The following BAZ2B variants were observed in gnomAD, a reference collection of about 807,000 sequenced individuals.
The protein encoded by BAZ2B is bromodomain adjacent to zinc finger domain 2B, also known as bromodomain adjacent to zinc finger domain protein 2B.
BAZ2B carries 91 observed loss-of-function variants against 246.0 expected under a neutral mutation model. The ratio of observed to expected loss-of-function variants is 0.37; its 90% CI spans 0.31 to 0.44. BAZ2B has a LOEUF of 0.44. Ranked by LOEUF, BAZ2B falls within the 20% of genes least tolerant of loss-of-function variation. The probability of loss-of-function intolerance (pLI) is 1.00; values close to 1 mark genes in which losing one functional copy is unlikely to be tolerated. For synonymous variants in BAZ2B, 855 were observed against 860.0 expected (o/e 0.99, Z 0.10); for missense variants, 2,332 against 2,533.7 (o/e 0.92, Z 1.71).
At chr2:159,627,322 C>T in the BAZ2B span, among the ~76,000 whole-genome samples, 1 of 150,198 alleles carries the variant, frequency 6.7e-6, no homozygotes, top group Non-Finnish European at 1.5e-5. Context: ...TTTTATGAGG[C>T]GAGCATCATC....
At chr2:159,369,047 T>G (rs1245508595) in intron 27 of BAZ2B, among the ~76,000 whole-genome samples, 2 of 152,118 alleles carry the variant, frequency 1.3e-5, no homozygotes, top group African/African-American at 4.8e-5. Flanking sequence ...AAGATTTAAA[T>G]AAGGAAATAG....
At chr2:159,338,781 C>G (rs1416713419) in intron 31 of BAZ2B, among the ~76,000 whole-genome samples, 1 of 152,124 alleles carries the variant, frequency 6.6e-6, no homozygotes, top group Non-Finnish European at 1.5e-5. Flanking sequence ...TCCAATTGTC[C>G]AAACCATACT....
At chr2:159,537,370 T>C (rs1315194044) in intron 2 of BAZ2B, among the ~76,000 whole-genome samples, 3 of 152,230 alleles carry the variant, frequency 2.0e-5, no homozygotes, top group Non-Finnish European at 4.4e-5. Context: ...GATTGAACTG[T>C]ACATCCCCAA....
intron 13 of BAZ2B, among the ~76,000 whole-genome samples, chr2:159,414,454 T>C (rs550247803): frequency 6.6e-6 from 1 of 152,216 alleles, no homozygotes; most frequent in Non-Finnish European, 1.5e-5. Flanking sequence ...AAAGAAAGGA[T>C]AAATGCTTGA....
intron 27 of BAZ2B, among the ~76,000 whole-genome samples, chr2:159,355,385 G>C (rs1398173639): frequency 6.6e-6 from 1 of 152,140 alleles, no homozygotes. Context: ...TTGTGGAAGA[G>C]ACTAAAGGAA....
intron 4 of BAZ2B, among the ~76,000 whole-genome samples, chr2:159,452,719 T>C: frequency 6.6e-6 from 1 of 152,364 alleles, no homozygotes; most frequent in Middle Eastern, 3.4e-3. Context: ...CTTACTGAAC[T>C]ACTAAATCCT....
At chr2:159,415,764 C>T (rs915169204) in intron 13 of BAZ2B, among the ~76,000 whole-genome samples, 2 of 152,130 alleles carry the variant, frequency 1.3e-5, no homozygotes, top group African/African-American at 4.8e-5. Context: ...ATTTGCCTAA[C>T]CTGGGGCAAG....
intron 4 of BAZ2B, 62 bp from the exon 5 acceptor site, chr2:159,448,471 A>C: frequency 6.7e-7 from 1 of 1,489,256 alleles, no homozygotes; most frequent in South Asian, 1.4e-5. Context: ...TTAACGTCAC[A>C]ATGGCTTTCT....
At chr2:159,494,166 G>A (rs931493395) in intron 2 of BAZ2B, among the ~76,000 whole-genome samples, 2 of 152,130 alleles carry the variant, frequency 1.3e-5, no homozygotes, top group Non-Finnish European at 2.9e-5. Context: ...AAAATTTTAA[G>A]TCATTTCTAT....
chr2:159,493,683 G>T (rs1412019464), intron 2 of BAZ2B, among the ~76,000 whole-genome samples: 1 of 152,168 alleles, frequency 6.6e-6, no homozygotes, highest in Non-Finnish European at 1.5e-5. Context: ...TCACTTAAAA[G>T]CTTAAACTAT....
At chr2:159,578,799 C>T (rs1038022328) in intron 1 of BAZ2B, among the ~76,000 whole-genome samples, 22 of 152,118 alleles carry the variant, frequency 1.4e-4, no homozygotes, top group African/African-American at 4.6e-4. Flanking sequence ...TACATGGAAA[C>T]CGAACAACCT....
chr2:159,626,523 T>A, the BAZ2B span, among the ~76,000 whole-genome samples: 1 of 152,090 alleles, frequency 6.6e-6, no homozygotes, highest in Non-Finnish European at 1.5e-5. Context: ...AGAAACTCAC[T>A]CAAAACTGCA....
At chr2:159,663,322 C>T in the BAZ2B span, among the ~76,000 whole-genome samples, 6,425 of 151,874 alleles carry the variant, frequency 0.042, 216 homozygotes, top group East Asian at 0.12. Context: ...CTGCCTCAGC[C>T]TCCCAAGTAG....
At chr2:159,367,032 G>T (rs550114207) in intron 27 of BAZ2B, among the ~76,000 whole-genome samples, 2 of 152,282 alleles carry the variant, frequency 1.3e-5, no homozygotes, top group South Asian at 4.1e-4. Flanking sequence ...GAGCTGATGT[G>T]CAGAGGAACA....
chr2:159,426,514 G>T (rs1422033470), intron 13 of BAZ2B, among the ~76,000 whole-genome samples: 1 of 152,078 alleles, frequency 6.6e-6, no homozygotes, highest in Non-Finnish European at 1.5e-5. Flanking sequence ...TCTGGTGACA[G>T]ATTTAGTCTA....
intron 35 of BAZ2B, among the ~76,000 whole-genome samples, 174 bp from the exon 36 acceptor site, chr2:159,325,128 T>TCTC (rs1558945041): frequency 3.0e-5 from 1 of 32,812 alleles, no homozygotes; most frequent in South Asian, 1.5e-3. Flanking sequence ...TATATATATA[T>TCTC]ATATATATAT....
At chr2:159,620,056 A>G (rs1299239468), upstream of BAZ2B, among the ~76,000 whole-genome samples, 1 of 152,216 alleles carries the variant, frequency 6.6e-6, no homozygotes, top group Non-Finnish European at 1.5e-5. Context: ...TATGGACTAA[A>G]TTGTTGCACT....
At chr2:159,517,445 TA>T (rs941790147) in intron 2 of BAZ2B, among the ~76,000 whole-genome samples, 2 of 151,992 alleles carry the variant, frequency 1.3e-5, no homozygotes, top group Admixed American at 1.3e-4. Context: ...ATTTACTACT[TA>T]AAAAAATCTA....
At chr2:159,496,138 G>A (rs907709778) in intron 2 of BAZ2B, among the ~76,000 whole-genome samples, 4 of 149,684 alleles carry the variant, frequency 2.7e-5, no homozygotes, top group African/African-American at 9.7e-5. Context: ...CACTTTGGGA[G>A]GTCAAGGTGG....
Sources: gnomAD v4.1 joint callset for allele counts (sites outside exome capture counted in the v4.1 genomes callset) on GRCh38, gnomAD v4.1.1 for gene constraint, MANE v1.5 for transcripts, NCBI Gene and HGNC (gene_info 2026-07-23, HGNC 2026-07-21) for gene names.